SOX5: variants seen among roughly 807,000 people sequenced by gnomAD.
The protein encoded by SOX5 is SRY-box transcription factor 5.
Under a neutral mutation model 92.0 loss-of-function variants are expected in SOX5, and 9 were observed. The observed-to-expected ratio is 0.10, with a 90% CI of 0.06 to 0.17. SOX5 has a LOEUF of 0.17. Ranked by LOEUF, SOX5 falls within the 10% of genes least tolerant of loss-of-function variation. SOX5 has a pLI of 1.00. For missense variants in SOX5, 642 were observed against 944.5 expected (o/e 0.68, Z 4.20); for synonymous variants, 344 against 336.3 (o/e 1.02, Z -0.25).
intron 3 of SOX5, among the ~76,000 whole-genome samples, chr12:24,225,862 A>G (rs930714655): frequency 2.6e-5 from 4 of 152,240 alleles, no homozygotes; most frequent in Non-Finnish European, 5.9e-5. Context: ...TAATAGTTCC[A>G]TTTATTCTCG....
chr12:24,039,733 T>C (rs1280631761), intron 4 of SOX5, among the ~76,000 whole-genome samples: 33 of 152,232 alleles, frequency 2.2e-4, no homozygotes, highest in Non-Finnish European at 2.9e-5. Context: ...CTAGCCCTTT[T>C]GTAATCATTC....
intron 1 of SOX5, among the ~76,000 whole-genome samples, chr12:23,897,188 T>C (rs1270264036): frequency 6.6e-6 from 1 of 152,132 alleles, no homozygotes; most frequent in African/African-American, 2.4e-5. Context: ...CAGGGAAGTA[T>C]TTACTAACTA....
intron 4 of SOX5, among the ~76,000 whole-genome samples, chr12:24,097,990 C>T (rs1480306992): frequency 1.3e-5 from 2 of 152,134 alleles, no homozygotes; most frequent in African/African-American, 2.4e-5. Flanking sequence ...TATGTCACAT[C>T]TATGATCTTC....
intron 4 of SOX5, among the ~76,000 whole-genome samples, chr12:24,055,900 T>A (rs1334172821): frequency 6.6e-6 from 1 of 152,186 alleles, no homozygotes; most frequent in Non-Finnish European, 1.5e-5. Context: ...TGACCCTCCA[T>A]GAAGCCTACA....
intron 3 of SOX5, among the ~76,000 whole-genome samples, chr12:24,273,250 C>T (rs1022451174): frequency 1.3e-5 from 2 of 152,050 alleles, no homozygotes; most frequent in African/African-American, 4.8e-5. Flanking sequence ...CCCAGTGAGA[C>T]GCGGTCTCAA....
intron 2 of SOX5, among the ~76,000 whole-genome samples, chr12:24,359,249 C>T (rs1046287817): frequency 2.0e-5 from 3 of 152,158 alleles, no homozygotes; most frequent in Admixed American, 1.3e-4. Flanking sequence ...CACATTATCC[C>T]ATGAAAGAAG....
intron 1 of SOX5, among the ~76,000 whole-genome samples, chr12:23,917,838 G>T (rs745713360): frequency 1.6e-4 from 24 of 152,114 alleles, no homozygotes; most frequent in Non-Finnish European, 1.6e-4. Context: ...ATTAGCAACA[G>T]AATGTAATGG....
chr12:23,868,024 C>T (rs1436584106), intron 2 of SOX5, among the ~76,000 whole-genome samples: 2 of 151,708 alleles, frequency 1.3e-5, no homozygotes, highest in Middle Eastern at 3.2e-3. Context: ...TTCCTTCCTC[C>T]CTTTTTTCTT....
At chr12:23,670,104 G>A (rs2084521156) in intron 6 of SOX5, among the ~76,000 whole-genome samples, 1 of 152,142 alleles carries the variant, frequency 6.6e-6, no homozygotes, top group Non-Finnish European at 1.5e-5. Flanking sequence ...ATCATGAAGA[G>A]TATGGTATAA....
At chr12:24,541,354 G>C (rs1371227549) in intron 1 of SOX5, among the ~76,000 whole-genome samples, 1 of 152,134 alleles carries the variant, frequency 6.6e-6, no homozygotes, top group East Asian at 1.9e-4. Flanking sequence ...TTTTACAATA[G>C]AAAATAAACG....
upstream of SOX5, among the ~76,000 whole-genome samples, chr12:23,955,506 G>T (rs1946183416): frequency 6.6e-6 from 1 of 152,130 alleles, no homozygotes; most frequent in African/African-American, 2.4e-5. Context: ...TGGTCCCCAT[G>T]TAACTCCTTT....
intron 4 of SOX5, among the ~76,000 whole-genome samples, chr12:24,185,094 C>G (rs879866092): frequency 6.6e-6 from 1 of 152,114 alleles, no homozygotes. Flanking sequence ...ACTAGACACT[C>G]TGAAACACAT....
chr12:24,141,743 A>G (rs1950605681), intron 4 of SOX5, among the ~76,000 whole-genome samples: 1 of 152,192 alleles, frequency 6.6e-6, no homozygotes, highest in Non-Finnish European at 1.5e-5. Context: ...CTTTATGCCC[A>G]AGGTTCTAGT....
At chr12:24,337,392 G>C (rs1434912496) in intron 2 of SOX5, among the ~76,000 whole-genome samples, 1 of 150,708 alleles carries the variant, frequency 6.6e-6, no homozygotes, top group Non-Finnish European at 1.5e-5. Context: ...CCAGGCTGGA[G>C]TGCAGTGGCG....
chr12:24,546,907 C>T (rs924611751), intron 1 of SOX5, among the ~76,000 whole-genome samples: 13 of 152,134 alleles, frequency 8.5e-5, no homozygotes, highest in African/African-American at 3.1e-4. Flanking sequence ...TCCAGTAAAA[C>T]TTTGGAAGGC....
At chr12:23,714,459 T>C (rs1382943239) in intron 6 of SOX5, among the ~76,000 whole-genome samples, 1 of 152,088 alleles carries the variant, frequency 6.6e-6, no homozygotes, top group Non-Finnish European at 1.5e-5. Flanking sequence ...CTGTCTCTAT[T>C]AAAAATACAA....
At position 23,976,252 on chromosome 12, in the gene SOX5, A is replaced by G. The variant is rs568504922; in HGVS notation, c.-1-80228T>C. 1.3e-3 allele frequency among the ~76,000 whole-genome samples: 194 copies of G among 152,140 alleles called. 1 individual carries two copies. Among genetic ancestry groups the G allele is most frequent in the African/African-American group, 4.4e-3 (181 of 41,544 alleles). On this transcript the variant is annotated intron_variant, in intron 4 of 4. Transcript: ENST00000446891. ...AACTTATTTTGCCAAAATTGCTTAG[A>G]AACAGATACCAGACAGTTGTTTAAT...
chr12:24,208,258 A>C (rs1339038822), intron 4 of SOX5, among the ~76,000 whole-genome samples: 1 of 152,170 alleles, frequency 6.6e-6, no homozygotes, highest in Non-Finnish European at 1.5e-5. Flanking sequence ...ACATCATAAG[A>C]ATTAATTAAT....
At chr12:23,663,936 A>G (rs2083421333) in intron 7 of SOX5, among the ~76,000 whole-genome samples, 1 of 152,168 alleles carries the variant, frequency 6.6e-6, no homozygotes, top group Admixed American at 6.6e-5. Flanking sequence ...TTAAGAGTCC[A>G]GAGTGAGAAT....
Sources: gnomAD v4.1 joint callset for allele counts (sites outside exome capture counted in the v4.1 genomes callset) on GRCh38, gnomAD v4.1.1 for gene constraint, MANE v1.5 for transcripts, NCBI Gene and HGNC (gene_info 2026-07-23, HGNC 2026-07-21) for gene names.